Variants in KNDC1 observed in about 807,000 individuals in gnomAD.
The protein encoded by KNDC1 is kinase non-catalytic C-lobe domain containing 1.
A neutral mutation model predicts 172.8 loss-of-function variants in KNDC1; 106 were observed. The observed-to-expected ratio is 0.61, with a 90% CI of 0.52 to 0.72. KNDC1 has a LOEUF of 0.72. Ranked by LOEUF, KNDC1 falls within the 30% of genes least tolerant of loss-of-function variation. KNDC1 has a pLI of 0.00. For missense variants in KNDC1, 2,325 were observed against 2,394.5 expected (o/e 0.97, Z 0.61); for synonymous variants, 1,083 against 1,062.2 (o/e 1.02, Z -0.38).
At chr10:133,222,764 C>T (rs868362065) in intron 29 of KNDC1, among the ~76,000 whole-genome samples, 7 of 6,834 alleles carry the variant, frequency 1.0e-3, no homozygotes, top group East Asian at 2.8e-3. Context: ...GGCGTGTGTG[C>T]GTGTGCGTGA....
intron 15 of KNDC1, 108 bp from the exon 16 acceptor site, chr10:133,200,267 C>T (rs1854321733): frequency 1.3e-6 from 1 of 778,836 alleles, no homozygotes; most frequent in South Asian, 2.5e-5. Flanking sequence ...CTGCCGCCTC[C>T]AGCGAGAGCT....
Position 133,209,567 on chromosome 10 carries a change from T to C in KNDC1, c.3795-1044T>C, listed in dbSNP as rs1312192703. 6.6e-6 allele frequency among the ~76,000 whole-genome samples: 1 copy of C among 151,878 alleles called. No homozygotes were observed. Among genetic ancestry groups the C allele is most frequent in the East Asian group, 1.9e-4 (1 of 5,190 alleles). On this transcript the variant is annotated intron_variant, in intron 20 of 29. Transcript: ENST00000304613. This position sits in a 1 kb window ranked among gnomAD's most constrained non-coding sequence, Gnocchi z 4.9. ...GTCTGGTTGTCGAGTTCTGTGTGGC[T>C]TTGTCCACGTGTGTGGCGTGCGTGT...
At chr10:133,166,263 C>A (rs997755795) in intron 1 of KNDC1, among the ~76,000 whole-genome samples, 2 of 152,324 alleles carry the variant, frequency 1.3e-5, no homozygotes, top group South Asian at 4.1e-4. Context: ...CCTCACGGGC[C>A]CCACCCATAG....
In KNDC1 at chr10:133,209,983, G is replaced by A. The variant is rs1172684944; in HGVS notation, c.3795-628G>A. Among the ~76,000 whole-genome samples, 2 of 152,106 alleles carry A rather than the reference G, an allele frequency of 1.3e-5. No homozygotes were observed. Among genetic ancestry groups the A allele is most frequent in the Non-Finnish European group, 1.5e-5 (1 of 68,018 alleles). On this transcript the variant is annotated intron_variant, in intron 20 of 29. Transcript: ENST00000304613. This position sits in a 1 kb window ranked among gnomAD's most constrained non-coding sequence, Gnocchi z 4.9. ...CAGTGAAGACCCAGAACCTTTGAGC[G>A]TGCAGCATTGCGCCCGGTCCCGAGG...
chr10:133,219,571 C>T (rs1326882397), intron 28 of KNDC1, among the ~76,000 whole-genome samples: 9 of 152,212 alleles, frequency 5.9e-5, no homozygotes, highest in Non-Finnish European at 1.3e-4. Context: ...ACGGGTGGGA[C>T]GGCTCCTGCA....
rs1853781850 is a variant in KNDC1 at position 133,183,368 on chromosome 10, A to G, written c.385A>G (p.Thr129Ala). 6.3e-7 allele frequency: 1 copy of G among 1,596,988 alleles called. No homozygotes were observed. Among genetic ancestry groups the G allele is most frequent in the Non-Finnish European group, 8.5e-7 (1 of 1,173,524 alleles). The change falls in exon 4 of 30, where the codon ACG becomes GCG. Residue 129 changes from threonine (T) to alanine (A), a missense_variant. By Grantham distance (58) the Thr-to-Ala change is moderately conservative (BLOSUM62 0). Coordinates refer to ENST00000304613, the MANE Select transcript of KNDC1 (RefSeq NM_152643.8). Reference protein sequence around the residue: ...FEAHIYSLGATLKAALEYVAE... With the variant: ...FEAHIYSLGAALKAALEYVAE... Reference sequence around the variant, plus strand: ...GGCGCACATCTACTCTCTGGGGGCCACGCTGAAGGCCGCCCTCGAGTACGT... The same window carrying G: ...GGCGCACATCTACTCTCTGGGGGCCGCGCTGAAGGCCGCCCTCGAGTACGT...
chr10:133,221,331 G>A (rs1319872807), intron 29 of KNDC1, among the ~76,000 whole-genome samples: 1 of 152,100 alleles, frequency 6.6e-6, no homozygotes, highest in Non-Finnish European at 1.5e-5. Context: ...GCGCAGACTG[G>A]GGCTGGCTGT....
chr10:133,224,109 TGTG>T lies in KNDC1; in HGVS notation c.5019-546_5019-544del. Among the ~76,000 whole-genome samples, 2 of 152,300 alleles carry T rather than the reference TGTG, an allele frequency of 1.3e-5. No individual in the cohort carries two copies. The highest frequency in any genetic ancestry group is 6.8e-3 in the Middle Eastern group (2 of 294). On this transcript the variant is annotated intron_variant, in intron 29 of 29. Transcript: ENST00000304613. The surrounding 1 kb of genome is among the most constrained non-coding windows in gnomAD (Gnocchi z 5.4). ...CTTTCTTTGTCCCTCACACTGGGCA[TGTG>T]GTGTTTCCATCCAAAATCAGGACAG... is the stretch of plus-strand genomic sequence containing the variant.
At chr10:133,206,643 G>A (rs1374676301) in intron 17 of KNDC1, 42 bp from the exon 18 acceptor site, 1 of 1,566,986 alleles carries the variant, frequency 6.4e-7, no homozygotes, top group Non-Finnish European at 8.8e-7. Flanking sequence ...GCTGACGTGT[G>A]TTGGGGCTGC....
intron 3 of KNDC1, among the ~76,000 whole-genome samples, chr10:133,172,196 A>G (rs1391645174): frequency 6.6e-6 from 1 of 152,010 alleles, no homozygotes; most frequent in Non-Finnish European, 1.5e-5. Context: ...CCCATCCCCC[A>G]TTCTAAAAAG....
chr10:133,201,744 C>T lies in KNDC1; in HGVS notation c.3233C>T (p.Ala1078Val). The stretch of plus-strand genomic sequence containing the variant: ...GCCAGGTCCAAAGGGGTCGGCCCAG[C>T]CTTGTCCCCCGGCCCAGCCGGATTC... The part of the protein sequence containing the change: ...RLARSKGVGP[A>V]LSPGPAGFQS... Residue 1078 changes from alanine to valine, a missense_variant, in exon 17 of 30, where the codon GCC becomes GTC. By Grantham distance (64) the Ala-to-Val change is moderately conservative. Coordinates refer to ENST00000304613, the MANE Select transcript of KNDC1 (RefSeq NM_152643.8). The T allele has an allele frequency of 6.3e-7, 1 of 1,581,068 alleles. No individual in the cohort carries two copies. The highest frequency in any genetic ancestry group is 8.6e-7 in the Non-Finnish European group (1 of 1,163,290).
chr10:133,183,787 C>A, intron 4 of KNDC1, 85 bp from the exon 5 acceptor site: 1 of 1,131,046 alleles, frequency 8.8e-7, no homozygotes, highest in Non-Finnish European at 1.3e-6. Context: ...AGGTCACCTT[C>A]AAAGGATCCG....
At chr10:133,175,341 G>A (rs968725911) in intron 3 of KNDC1, among the ~76,000 whole-genome samples, 3 of 56,402 alleles carry the variant, frequency 5.3e-5, no homozygotes, top group Non-Finnish European at 1.8e-4. Context: ...TGGTTGGATA[G>A]ATAAGTGGAT....
chr10:133,211,485 G>T lies in KNDC1; in HGVS notation c.3972G>T (p.Gln1324His). ...KIYRRSLCVL[Q>H]AWVEDCYAVD... Reference sequence around the variant, plus strand: ...ACAGGCGGAGCCTCTGCGTCCTGCAGGCCTGGGTGGAGGACTGCTACGCTG... The same window carrying T: ...ACAGGCGGAGCCTCTGCGTCCTGCATGCCTGGGTGGAGGACTGCTACGCTG... The change falls in exon 22 of 30, where the codon CAG becomes CAT. Residue 1324 changes from glutamine to histidine, a missense_variant. Transcript: ENST00000304613. 1 of 1,614,000 alleles carries T rather than the reference G, an allele frequency of 6.2e-7. No homozygotes were observed. Among genetic ancestry groups the T allele is most frequent in the South Asian group, 1.1e-5 (1 of 91,084 alleles).
rs888804701 is a variant in KNDC1, at chr10:133,160,235, C to T, written c.-233C>T. Among the ~76,000 whole-genome samples the T allele has an allele frequency of 6.7e-6, 1 of 149,744 alleles. No individual in the cohort carries two copies. Among genetic ancestry groups the T allele is most frequent in the African/African-American group, 2.4e-5 (1 of 41,138 alleles). On this transcript the variant is annotated 5_prime_UTR_variant, in exon 1 of 30. Coordinates refer to ENST00000304613, the MANE Select transcript of KNDC1 (RefSeq NM_152643.8). ...GCCTCCCCCAGGAAGGAGCGACGTT[C>T]CCTAGGCGCCGGGTCCGGACAGCGC...
At chr10:133,194,861 G>A (rs377563794) in intron 9 of KNDC1, among the ~76,000 whole-genome samples, 13 of 152,338 alleles carry the variant, frequency 8.5e-5, no homozygotes, top group African/African-American at 2.4e-4. Flanking sequence ...GTCTGTGGCC[G>A]CTCCCTTGAG....
At chr10:133,167,331 G>C (rs1421508750) in intron 1 of KNDC1, 50 bp from the exon 2 acceptor site, 3 of 1,491,332 alleles carry the variant, frequency 2.0e-6, no homozygotes, top group African/African-American at 2.8e-5. Context: ...GGGGTGCCGG[G>C]GCCTGGCTGG....
intron 9 of KNDC1, among the ~76,000 whole-genome samples, chr10:133,191,780 A>C (rs1175437884): frequency 6.6e-6 from 1 of 152,094 alleles, no homozygotes; most frequent in African/African-American, 2.4e-5. Context: ...ATGCATTTAC[A>C]CCCCCTGCTC....
chr10:133,202,754 A>G (rs1246207302), intron 17 of KNDC1: 2 of 442,526 alleles, frequency 4.5e-6, no homozygotes, highest in Non-Finnish European at 9.1e-6. Flanking sequence ...GTGAGGGGAC[A>G]GGGGTTAAGC....
Sources: gnomAD v4.1 joint callset for allele counts (sites outside exome capture counted in the v4.1 genomes callset) on GRCh38, gnomAD v4.1.1 for gene constraint, Gnocchi (gnomAD v3.1) non-coding constraint, MANE v1.5 for transcripts, NCBI Gene and HGNC (gene_info 2026-07-23, HGNC 2026-07-21) for gene names.